TBCEL: variants seen among roughly 807,000 people sequenced by gnomAD.
TBCEL encodes tubulin folding cofactor E like.
TBCEL carries 15 observed loss-of-function variants against 44.2 expected under a neutral mutation model. That is an observed-to-expected ratio of 0.34 (90% confidence interval 0.23 to 0.52). The LOEUF is 0.52. Among genes scored for constraint, TBCEL ranks in the 20% least tolerant of loss-of-function variants. TBCEL has a pLI of 0.95. For missense variants in TBCEL, 319 were observed against 506.3 expected (o/e 0.63, Z 3.55); for synonymous variants, 171 against 185.4 (o/e 0.92, Z 0.63).
At chr11:121,083,262 T>A (rs963138314) in intron 8 of TBCEL, among the ~76,000 whole-genome samples, 6 of 152,182 alleles carry the variant, frequency 3.9e-5, no homozygotes, top group African/African-American at 1.4e-4. Flanking sequence ...ATTGATGGGA[T>A]ACGTAGGAAG....
At chr11:121,059,903 G>A (rs915977520) in intron 7 of TBCEL, 66 bp from the exon 8 acceptor site, 3 of 1,162,634 alleles carry the variant, frequency 2.6e-6, no homozygotes, top group African/African-American at 3.1e-5. Context: ...AAGCCAATTA[G>A]TTTCTTTCTA....
At chr11:121,049,965 G>C (rs1438911366) in intron 4 of TBCEL, among the ~76,000 whole-genome samples, 2 of 151,634 alleles carry the variant, frequency 1.3e-5, no homozygotes, top group African/African-American at 4.8e-5. Context: ...ATTCCTAAGT[G>C]CTCTATAGTC....
chr11:121,048,012 T>C (rs1945463574), intron 4 of TBCEL: 1 of 160,506 alleles, frequency 6.2e-6, no homozygotes, highest in Non-Finnish European at 1.3e-5. Context: ...TTATTGTTAT[T>C]GTTGCTTTGT....
At chr11:121,030,689 C>T (rs1040079051) in intron 1 of TBCEL, among the ~76,000 whole-genome samples, 3 of 152,118 alleles carry the variant, frequency 2.0e-5, no homozygotes, top group Non-Finnish European at 2.9e-5. Context: ...ATTCAGAGTT[C>T]TGTTTTTGCC....
intron 8 of TBCEL, among the ~76,000 whole-genome samples, chr11:121,061,844 C>G (rs1423473162): frequency 6.6e-6 from 1 of 152,104 alleles, no homozygotes; most frequent in African/African-American, 2.4e-5. Flanking sequence ...TTTATCAACA[C>G]TGTACACTTA....
Position 121,087,264 on chromosome 11 carries a change from T to C in TBCEL, c.*168T>C. 1.5e-6 allele frequency: 1 copy of C among 674,112 alleles called. No individual in the cohort carries two copies. Among genetic ancestry groups the C allele is most frequent in the Non-Finnish European group, 2.4e-6 (1 of 411,240 alleles). The allele number at this position is 674,112 out of a possible 1,614,324, so 41.8% of individuals were successfully genotyped here. A position where few individuals can be genotyped will look rare whatever the true frequency, so the allele number is the denominator to read the frequency against. On this transcript the variant is annotated 3_prime_UTR_variant, in exon 9 of 9. Coordinates refer to ENST00000683345, the MANE Select transcript of TBCEL (RefSeq NM_001363644.2). ...CCCCTGGAGTGAGTAGGGGCCATTT[T>C]TGGGTGTTTTCTACCACAGATTGAT...
chr11:121,065,219 T>C (rs1378615104), intron 8 of TBCEL, among the ~76,000 whole-genome samples: 4 of 152,214 alleles, frequency 2.6e-5, no homozygotes, highest in East Asian at 1.9e-4. Flanking sequence ...CATGCTGTTA[T>C]CTGAGCTAGT....
intron 4 of TBCEL, 168 bp downstream of exon 4, chr11:121,047,835 G>T: frequency 1.2e-6 from 1 of 849,838 alleles, no homozygotes; most frequent in Non-Finnish European, 1.7e-6. Context: ...GATAAATAAG[G>T]CCTATAATCC....
At chr11:121,058,112 A>G (rs954705331) in intron 6 of TBCEL, among the ~76,000 whole-genome samples, 1 of 151,852 alleles carries the variant, frequency 6.6e-6, no homozygotes, top group African/African-American at 2.4e-5. Flanking sequence ...AGGATGTTAG[A>G]CAATAACACT....
chr11:121,072,286 G>C (rs1371605375), intron 8 of TBCEL, among the ~76,000 whole-genome samples: 1 of 152,128 alleles, frequency 6.6e-6, no homozygotes, highest in Non-Finnish European at 1.5e-5. Flanking sequence ...TTTCTTTGCT[G>C]TCTGAACTTT....
chr11:121,030,655 A>G (rs969242118), intron 1 of TBCEL, among the ~76,000 whole-genome samples: 1 of 152,194 alleles, frequency 6.6e-6, no homozygotes, highest in Non-Finnish European at 1.5e-5. Context: ...GAATGAGTGG[A>G]AGAGGAGCAG....
At chr11:121,046,427 G>T (rs961951280) in intron 3 of TBCEL, among the ~76,000 whole-genome samples, 1 of 152,196 alleles carries the variant, frequency 6.6e-6, no homozygotes, top group Middle Eastern at 3.4e-3. Flanking sequence ...GCCATTAACA[G>T]TTCTTGGAAG....
chr11:121,057,994 A>T (rs180963928), intron 6 of TBCEL, among the ~76,000 whole-genome samples: 7 of 151,980 alleles, frequency 4.6e-5, no homozygotes, highest in Non-Finnish European at 8.8e-5. Context: ...AGTTGGTCAC[A>T]TAGCTTTCTT....
intron 1 of TBCEL, among the ~76,000 whole-genome samples, chr11:121,029,058 T>C (rs1048840717): frequency 1.3e-5 from 2 of 152,178 alleles, no homozygotes; most frequent in African/African-American, 2.4e-5. Flanking sequence ...TCTCACTTTA[T>C]TTTGCATTTC....
At chr11:121,084,114 C>G (rs1460373687) in intron 8 of TBCEL, among the ~76,000 whole-genome samples, 1 of 152,182 alleles carries the variant, frequency 6.6e-6, no homozygotes, top group Admixed American at 6.5e-5. Flanking sequence ...CCCTTGTGAC[C>G]TAGTCGCCTC....
At chr11:121,038,690 G>A (rs1028326723) in intron 2 of TBCEL, among the ~76,000 whole-genome samples, 2 of 152,016 alleles carry the variant, frequency 1.3e-5, no homozygotes, top group African/African-American at 4.8e-5. Flanking sequence ...TGTTTTCTTA[G>A]TTTTTGCTGA....
At chr11:121,059,339 AAATAT>A (rs1200048930) in intron 7 of TBCEL, among the ~76,000 whole-genome samples, 2 of 151,996 alleles carry the variant, frequency 1.3e-5, no homozygotes, top group East Asian at 3.9e-4. Context: ...ATTCTTTTGC[AAATAT>A]AATAAGTTAA....
intron 1 of TBCEL, among the ~76,000 whole-genome samples, chr11:121,025,003 A>C (rs1423612869): frequency 6.6e-6 from 1 of 152,202 alleles, no homozygotes; most frequent in East Asian, 1.9e-4. Context: ...GTCCGCTAGT[A>C]GGAAGACATT....
At chr11:121,046,597 T>G (rs1208044865) in intron 3 of TBCEL, among the ~76,000 whole-genome samples, 1 of 152,036 alleles carries the variant, frequency 6.6e-6, no homozygotes, top group Admixed American at 6.6e-5. Context: ...ATTTTTTTTT[T>G]CCGGGATCCA....
Sources: allele counts gnomAD v4.1 joint callset (sites outside exome capture counted in the v4.1 genomes callset), GRCh38; gene constraint gnomAD v4.1.1; transcripts MANE v1.5; gene names NCBI Gene and HGNC (gene_info 2026-07-23, HGNC 2026-07-21).